The following GLDC variants were observed in gnomAD, a reference collection of about 807,000 sequenced individuals.
GLDC encodes glycine decarboxylase, also known as glycine dehydrogenase (decarboxylating), mitochondrial.
GLDC carries 104 observed loss-of-function variants against 121.3 expected under a neutral mutation model. The observed-to-expected ratio is 0.86, with a 90% CI of 0.73 to 1.01. GLDC has a LOEUF of 1.01. Among genes scored for constraint, GLDC ranks in the 50% least tolerant of loss-of-function variants. The probability of loss-of-function intolerance (pLI) is 0.00; values close to 1 mark genes in which losing one functional copy is unlikely to be tolerated. For synonymous variants in GLDC, 546 were observed against 480.6 expected (o/e 1.14, Z -1.78); for missense variants, 1,429 against 1,306.6 (o/e 1.09, Z -1.44).
Position 6,596,461 on chromosome 9 carries a change from CT to C in GLDC, c.1156-1343del, listed in dbSNP as rs112961666. On this transcript the variant is annotated intron_variant, in intron 8 of 24. Transcript: ENST00000321612. ...TGAACAAACTTAAAAATACAAAGGG[CT>C]TGAATCAGTGGCTCACGCCTGTAAT... Among the ~76,000 whole-genome samples, 1,168 of 152,256 alleles carry C rather than the reference CT, an allele frequency of 7.7e-3. 22 individuals are homozygous for C. Among genetic ancestry groups the C allele is most frequent in the African/African-American group, 0.026 (1,099 of 41,548 alleles).
chr9:6,592,193 C>A lies in GLDC; in HGVS notation c.1432G>T (p.Glu478Ter), dbSNP rs1332097221. The change falls in exon 11 of 25, where the codon GAA becomes TAA. Residue 478 changes from glutamate (E) to a stop codon, truncating the protein, a stop_gained. Coordinates refer to ENST00000321612, the MANE Select transcript of GLDC (RefSeq NM_000170.3). LOFTEE classifies it high-confidence loss of function. ...LGISLDETVN[E>*]KDLDDLLWIF... The stretch of plus-strand genomic sequence containing the variant: ...CACAACAAATCGTCCAGATCTTTTT[C>A]ATTGACTGTTTCATCAAGAGAAATA... 6.2e-7 allele frequency: 1 copy of A among 1,607,318 alleles called. No homozygotes were observed. Among genetic ancestry groups the A allele is most frequent in the Non-Finnish European group, 8.5e-7 (1 of 1,174,168 alleles).
At chr9:6,574,401 A>T (rs1818022833) in intron 15 of GLDC, among the ~76,000 whole-genome samples, 1 of 151,290 alleles carries the variant, frequency 6.6e-6, no homozygotes, top group Non-Finnish European at 1.5e-5. Flanking sequence ...TGGGAGGTGG[A>T]GGTTGCAGTG....
intron 2 of GLDC, chr9:6,639,153 G>A (rs1276968251): frequency 2.6e-6 from 2 of 759,538 alleles, no homozygotes; most frequent in Admixed American, 3.7e-5. Flanking sequence ...GGCGCCGAAA[G>A]CGAAGAAGGA....
chr9:6,558,522 C>T lies in GLDC; in HGVS notation c.2052+37G>A, dbSNP rs1381017083. ...CCTGATCCCCACCAGCACTCCCCAT[C>T]CCGGCCTCTCCCATCTGCTAAGGAG... On this transcript the variant is annotated intron_variant, in intron 17 of 24. Transcript: ENST00000321612. 2 of 1,612,668 alleles carry T rather than the reference C, an allele frequency of 1.2e-6. 1 individual carries two copies. The highest frequency in any genetic ancestry group is 2.2e-5 in the South Asian group (2 of 91,052).
At chr9:6,637,016 G>A (rs1390144250) in intron 2 of GLDC, among the ~76,000 whole-genome samples, 4 of 151,754 alleles carry the variant, frequency 2.6e-5, no homozygotes, top group African/African-American at 7.3e-5. Context: ...CCCAGGAGGC[G>A]GAGGTTGCAG....
intron 8 of GLDC, among the ~76,000 whole-genome samples, chr9:6,601,142 C>T (rs1456639904): frequency 1.3e-5 from 2 of 152,160 alleles, no homozygotes; most frequent in Non-Finnish European, 2.9e-5. Flanking sequence ...CACTGCACTC[C>T]AGCCTGGGCG....
chr9:6,604,628 A>C lies in GLDC; in HGVS notation c.1018T>G (p.Leu340Val). ...ATTCTTCCAGGCATCATTCTCACCA[A>C]GCTTTCTCGGACAGCAAAAAATGCT... ...HAAFFAVRESLVRMMPGRMVG... is the reference protein window; with the variant it reads ...HAAFFAVRESVVRMMPGRMVG... Residue 340 changes from leucine to valine, a missense_variant, in exon 7 of 25, where the codon TTG (leucine) becomes GTG (valine). Leu to Val is a conservative substitution (Grantham distance 32). Transcript: ENST00000321612. 6.2e-7 allele frequency: 1 copy of C among 1,613,432 alleles called. No individual in the cohort carries two copies. The highest frequency in any genetic ancestry group is 1.3e-5 in the African/African-American group (1 of 75,044).
At chr9:6,541,764 T>C (rs543396020) in intron 21 of GLDC, 2 of 135,056 alleles carry the variant, frequency 1.5e-5, no homozygotes, top group South Asian at 4.7e-4. Flanking sequence ...AAGGTGGTGG[T>C]TGCAGTGAGC....
chr9:6,569,916 C>A (rs1817923447), intron 15 of GLDC, among the ~76,000 whole-genome samples: 1 of 152,018 alleles, frequency 6.6e-6, no homozygotes, highest in Non-Finnish European at 1.5e-5. Flanking sequence ...GTGGAGGCTG[C>A]AGTGATGTAA....
At chr9:6,563,732 GTC>G (rs1385496125) in intron 16 of GLDC, among the ~76,000 whole-genome samples, 2 of 152,228 alleles carry the variant, frequency 1.3e-5, no homozygotes, top group African/African-American at 4.8e-5. Flanking sequence ...CAGGGTCTGT[GTC>G]TGTCTGGTTG....
intron 2 of GLDC, among the ~76,000 whole-genome samples, chr9:6,621,159 G>A (rs560804579): frequency 1.3e-5 from 2 of 152,228 alleles, no homozygotes; most frequent in East Asian, 3.9e-4. Context: ...GACAGAGTGA[G>A]ACCCCCATCT....
Position 6,540,159 on chromosome 9 carries a change from G to A in GLDC, c.2570-13C>T. The A allele has an allele frequency of 6.5e-7, 1 of 1,544,544 alleles. No homozygotes were observed. The highest frequency in any genetic ancestry group is 9.0e-7 in the Non-Finnish European group (1 of 1,116,460). ...TGACCCACATAACCTGTTCAGGAAA[G>A]TTGTTTCAGCCCAAGATTAGCATCA... On this transcript the variant is annotated splice_polypyrimidine_tract_variant and intron_variant, in intron 21 of 24. Coordinates refer to ENST00000321612, the MANE Select transcript of GLDC (RefSeq NM_000170.3).
intron 2 of GLDC, 147 bp downstream of exon 2, chr9:6,644,467 C>T (rs1388539270): frequency 2.9e-6 from 2 of 690,440 alleles, no homozygotes; most frequent in Non-Finnish European, 5.2e-6. Context: ...CTTCCCGCGG[C>T]TCCGGAGGTA....
intron 8 of GLDC, among the ~76,000 whole-genome samples, chr9:6,597,015 C>A (rs897502865): frequency 6.6e-6 from 1 of 152,166 alleles, no homozygotes; most frequent in Non-Finnish European, 1.5e-5. Context: ...TGTAGCATGT[C>A]CAAACAATGG....
intron 16 of GLDC, among the ~76,000 whole-genome samples, chr9:6,564,105 G>A (rs754819770): frequency 3.9e-5 from 6 of 151,958 alleles, no homozygotes; most frequent in East Asian, 1.9e-4. Context: ...AAAATTAGCC[G>A]GGCGTGGTGG....
intron 2 of GLDC, among the ~76,000 whole-genome samples, chr9:6,623,563 T>C (rs1054743804): frequency 6.6e-5 from 10 of 150,968 alleles, no homozygotes; most frequent in African/African-American, 2.2e-4. Flanking sequence ...ACTATTGTCC[T>C]ATGACCCTGC....
intron 11 of GLDC, 58 bp downstream of exon 11, chr9:6,592,084 TA>T: frequency 9.7e-7 from 1 of 1,029,090 alleles, no homozygotes; most frequent in Admixed American, 1.7e-5. Flanking sequence ...GGGGATAAGC[TA>T]CTTTTGCTAC....
intron 4 of GLDC, among the ~76,000 whole-genome samples, chr9:6,608,315 G>T (rs1818778171): frequency 6.7e-6 from 1 of 150,054 alleles, no homozygotes; most frequent in South Asian, 2.1e-4. Context: ...CCAGCTACGT[G>T]GGAGGCTGAG....
In GLDC at chr9:6,588,320, G is replaced by C. The variant is rs189250415; in HGVS notation, c.1707+81C>G. The C allele has an allele frequency of 9.0e-4, 834 of 925,840 alleles. 1 individual carries two copies. Among genetic ancestry groups the C allele is most frequent in the Non-Finnish European group, 1.3e-3 (692 of 550,656 alleles). The allele number at this position is 925,840 out of a possible 1,614,324, so 57.4% of individuals were successfully genotyped here. ...CAATCACAGAATCACAGTCCCAGTA[G>C]ATTTCACTAGTTCTGGGCTTAGGTG... On this transcript the variant is annotated intron_variant, in intron 14 of 24. Transcript: ENST00000321612.
Sources: allele counts gnomAD v4.1 joint callset (sites outside exome capture counted in the v4.1 genomes callset), GRCh38; gene constraint gnomAD v4.1.1; transcripts MANE v1.5; gene names NCBI Gene and HGNC (gene_info 2026-07-23, HGNC 2026-07-21).